The following SAMD4A variants were observed in gnomAD, a reference collection of about 807,000 sequenced individuals.
SAMD4A encodes protein Smaug homolog 1.
Under a neutral mutation model 81.3 loss-of-function variants are expected in SAMD4A, and 33 were observed. That is an observed-to-expected ratio of 0.41 (90% CI 0.31 to 0.54). The LOEUF is 0.54. Among genes scored for constraint, SAMD4A ranks in the 20% least tolerant of loss-of-function variants. The pLI is 0.37. For missense variants in SAMD4A, 854 were observed against 951.1 expected (o/e 0.90, Z 1.34); for synonymous variants, 389 against 382.1 (o/e 1.02, Z -0.21).
chr14:54,606,107 C>T (rs957065783), intron 2 of SAMD4A, among the ~76,000 whole-genome samples: 1 of 151,978 alleles, frequency 6.6e-6, no homozygotes, highest in Non-Finnish European at 1.5e-5. Context: ...TGTGCAGCCC[C>T]GCCTTTTAGA....
At chr14:54,618,186 T>C (rs1163587809) in intron 2 of SAMD4A, among the ~76,000 whole-genome samples, 1 of 152,222 alleles carries the variant, frequency 6.6e-6, no homozygotes, top group Non-Finnish European at 1.5e-5. Context: ...ATTGCTGATG[T>C]ACTTTATTTC....
At chr14:54,711,115 T>C (rs1032127276) in intron 3 of SAMD4A, among the ~76,000 whole-genome samples, 1 of 152,190 alleles carries the variant, frequency 6.6e-6, no homozygotes, top group African/African-American at 2.4e-5. Flanking sequence ...ACTTAATAAA[T>C]TCCTGAGCTC....
chr14:54,702,775 G>C (rs894605315), intron 3 of SAMD4A, 195 bp downstream of exon 3: 4 of 636,178 alleles, frequency 6.3e-6, no homozygotes, highest in Non-Finnish European at 1.1e-5. Flanking sequence ...AAATACTTGG[G>C]AAGGTAAAAG....
intron 4 of SAMD4A, among the ~76,000 whole-genome samples, chr14:54,748,483 A>G (rs1242156259): frequency 6.6e-6 from 1 of 152,200 alleles, no homozygotes. Context: ...TATAGAAGCT[A>G]TGGATGGCCC....
At chr14:54,597,584 CTT>C (rs71127662) in intron 2 of SAMD4A, among the ~76,000 whole-genome samples, 48 of 90,872 alleles carry the variant, frequency 5.3e-4, no homozygotes, top group African/African-American at 1.4e-3. Flanking sequence ...TTCCTTCTAT[CTT>C]TTTTTTTTTT....
intron 2 of SAMD4A, among the ~76,000 whole-genome samples, chr14:54,663,532 A>G (rs1353522894): frequency 6.6e-6 from 1 of 152,190 alleles, no homozygotes; most frequent in Non-Finnish European, 1.5e-5. Flanking sequence ...TTCTCTACTT[A>G]GCTTGACTAC....
intron 8 of SAMD4A, among the ~76,000 whole-genome samples, chr14:54,769,790 G>A (rs2038652380): frequency 6.6e-6 from 1 of 152,190 alleles, no homozygotes; most frequent in South Asian, 2.1e-4. Context: ...TTCATTCTTG[G>A]TTAATAAATA....
Position 54,790,033 on chromosome 14 carries a change from G to A in SAMD4A, c.*1089G>A, listed in dbSNP as rs1157825585. The A allele has an allele frequency of 6.6e-6, 1 of 152,208 alleles. No homozygotes were observed. Among genetic ancestry groups the A allele is most frequent in the Non-Finnish European group, 1.5e-5 (1 of 68,042 alleles). The allele number at this position is 152,208 out of a possible 1,614,324, so 9.4% of individuals were successfully genotyped here. A position where few individuals can be genotyped will look rare whatever the true frequency, so the allele number is the denominator to read the frequency against. ...CCCAGCCTTGCTCCACACACACACAGGTGGGTACAAGTTCCACTGGAGGAG... is the reference window on the plus strand; with the variant it reads ...CCCAGCCTTGCTCCACACACACACAAGTGGGTACAAGTTCCACTGGAGGAG... On this transcript the variant is annotated 3_prime_UTR_variant, in exon 13 of 13. Transcript: ENST00000554335.
At chr14:54,782,679 A>G (rs1270842857) in intron 11 of SAMD4A, among the ~76,000 whole-genome samples, 1 of 152,230 alleles carries the variant, frequency 6.6e-6, no homozygotes, top group Non-Finnish European at 1.5e-5. Context: ...GGTGCTTTCC[A>G]TAGCGTTCCT....
At chr14:54,729,867 T>C (rs971258896) in intron 3 of SAMD4A, among the ~76,000 whole-genome samples, 2 of 152,206 alleles carry the variant, frequency 1.3e-5, no homozygotes, top group African/African-American at 4.8e-5. Context: ...GTGGATGAAA[T>C]TTACTGATTT....
chr14:54,792,833 T>C lies in SAMD4A; in HGVS notation c.*3889T>C, dbSNP rs2039281807. ...AGGAATAGGAAGAAAACAGGAATGT[T>C]AATAATGTCGAACAGAAAACTTCCT... On this transcript the variant is annotated 3_prime_UTR_variant, in exon 13 of 13. Transcript: ENST00000554335. The C allele has an allele frequency of 6.6e-6, 1 of 152,206 alleles. No homozygotes were observed. The highest frequency in any genetic ancestry group is 2.4e-5 in the African/African-American group (1 of 41,446). The allele number at this position is 152,206 out of a possible 1,614,324, so 9.4% of individuals were successfully genotyped here.
chr14:54,661,371 C>T (rs754068672), intron 2 of SAMD4A, among the ~76,000 whole-genome samples: 4 of 152,114 alleles, frequency 2.6e-5, no homozygotes, highest in African/African-American at 7.2e-5. Flanking sequence ...CCAAAGAGTT[C>T]GAAGCTGTGC....
At chr14:54,630,493 G>A (rs1405917196) in intron 2 of SAMD4A, among the ~76,000 whole-genome samples, 1 of 152,190 alleles carries the variant, frequency 6.6e-6, no homozygotes, top group African/African-American at 2.4e-5. Flanking sequence ...TTGGAGAAAT[G>A]TTCATTCAGG....
chr14:54,644,252 G>A (rs191692058), intron 2 of SAMD4A, among the ~76,000 whole-genome samples: 2 of 152,282 alleles, frequency 1.3e-5, no homozygotes, highest in Admixed American at 6.5e-5. Flanking sequence ...CTAACTTGTG[G>A]TAAATGCAAA....
At chr14:54,652,129 A>G (rs2035417731) in intron 2 of SAMD4A, among the ~76,000 whole-genome samples, 2 of 152,204 alleles carry the variant, frequency 1.3e-5, no homozygotes, top group Admixed American at 6.5e-5. Context: ...ATCTATCTAC[A>G]TCCACCTCAC....
intron 11 of SAMD4A, among the ~76,000 whole-genome samples, chr14:54,782,603 G>A (rs2039026116): frequency 6.6e-6 from 1 of 152,152 alleles, no homozygotes; most frequent in Non-Finnish European, 1.5e-5. Flanking sequence ...CTCACGTATT[G>A]GCACGGTTGT....
At chr14:54,597,298 G>A (rs1272600784) in intron 2 of SAMD4A, among the ~76,000 whole-genome samples, 1 of 151,462 alleles carries the variant, frequency 6.6e-6, no homozygotes, top group Non-Finnish European at 1.5e-5. Context: ...TTTTGAGATG[G>A]AGTTTTGCTC....
At chr14:54,690,647 C>T (rs1178319712) in intron 2 of SAMD4A, among the ~76,000 whole-genome samples, 1 of 152,130 alleles carries the variant, frequency 6.6e-6, no homozygotes, top group African/African-American at 2.4e-5. Flanking sequence ...ATCTCTGATA[C>T]CACAAATGTC....
At chr14:54,641,171 G>A (rs1357615678) in intron 2 of SAMD4A, among the ~76,000 whole-genome samples, 1 of 152,120 alleles carries the variant, frequency 6.6e-6, no homozygotes, top group Non-Finnish European at 1.5e-5. Flanking sequence ...GTAAAATGGG[G>A]ATAATGGTAT....
Sources: gnomAD v4.1 joint callset for allele counts (sites outside exome capture counted in the v4.1 genomes callset) on GRCh38, gnomAD v4.1.1 for gene constraint, MANE v1.5 for transcripts, NCBI Gene and HGNC (gene_info 2026-07-23, HGNC 2026-07-21) for gene names.